The following CRACD variants were observed in gnomAD, a reference collection of about 807,000 sequenced individuals.
CRACD encodes the protein capping protein-inhibiting regulator of actin dynamics.
A neutral mutation model predicts 106.8 loss-of-function variants in CRACD; 56 were observed. That is an observed-to-expected ratio of 0.52 (90% CI 0.42 to 0.66). The LOEUF is 0.66. Ranked by LOEUF, CRACD falls within the 30% of genes least tolerant of loss-of-function variation. The pLI is 0.00. For missense variants in CRACD, 1,730 were observed against 1,623.2 expected (o/e 1.07, Z -1.13); for synonymous variants, 754 against 670.8 (o/e 1.12, Z -1.92).
rs761114150 is a variant in CRACD at position 56,314,850 on chromosome 4, A to G, written c.1348A>G (p.Ile450Val). 6 of 1,611,962 alleles carry G rather than the reference A, an allele frequency of 3.7e-6. No homozygotes were observed. In the South Asian group the frequency reaches 4.4e-5, roughly 12 times the overall value. ...AAGAGAACACTCCGAGGAGCCAGGT[A>G]TTTGCGAGGAGCAGAACCCAGAGGC... is the stretch of plus-strand genomic sequence containing the variant. ...GQREHSEEPG[I>V]CEEQNPEAER... is the part of the protein sequence containing the mutation. The change falls in exon 8 of 11, where the codon ATT becomes GTT. Residue 450 changes from isoleucine (I) to valine (V), a missense_variant. This residue lies in a region of CRACD where 1,620 missense variants were observed against 1,481.6 expected (regional missense o/e 1.09). Transcript: ENST00000682029. The surrounding 1 kb of genome is among the most constrained non-coding windows in gnomAD (Gnocchi z 4.4).
At chr4:56,287,699 A>G (rs887513676) in intron 3 of CRACD, among the ~76,000 whole-genome samples, 1 of 152,116 alleles carries the variant, frequency 6.6e-6, no homozygotes, top group African/African-American at 2.4e-5. Flanking sequence ...GATTATAGCC[A>G]TTAGCCACCA....
chr4:56,235,849 G>A (rs956384639), intron 2 of CRACD, among the ~76,000 whole-genome samples: 9 of 152,144 alleles, frequency 5.9e-5, no homozygotes, highest in Non-Finnish European at 1.3e-4. Flanking sequence ...ACAAGACAAG[G>A]GTTGGGAAGG....
chr4:56,290,476 G>A (rs1743642201), intron 3 of CRACD, among the ~76,000 whole-genome samples: 1 of 152,152 alleles, frequency 6.6e-6, no homozygotes, highest in South Asian at 2.1e-4. Flanking sequence ...GAAGAAGAGA[G>A]TATTGGAGTG....
intron 1 of CRACD, among the ~76,000 whole-genome samples, chr4:56,121,852 T>C (rs1360927035): frequency 6.6e-6 from 1 of 152,250 alleles, no homozygotes; most frequent in African/African-American, 2.4e-5. Flanking sequence ...GAAGCTTATA[T>C]GTATATGATT....
rs1012450494 is a variant in CRACD, at chr4:56,254,858, A to G, written c.-188-17463A>G. On this transcript the variant is annotated intron_variant, in intron 2 of 10. Coordinates refer to ENST00000682029, the MANE Select transcript of CRACD (RefSeq NM_001393381.1). ...GGTGGCTCACGCCTGTAATCCCAGC[A>G]CTTTGGGAGGCTGAGGTGGGCGGAT... 3.3e-4 allele frequency among the ~76,000 whole-genome samples: 49 copies of G among 149,984 alleles called. No homozygotes were observed. In the Middle Eastern group the frequency reaches 0.01, roughly 31 times the overall value.
intron 2 of CRACD, among the ~76,000 whole-genome samples, chr4:56,243,439 A>G: frequency 6.6e-6 from 1 of 152,206 alleles, no homozygotes; most frequent in East Asian, 1.9e-4. Context: ...GAGAGAAATG[A>G]ACTCCTAACT....
intron 10 of CRACD, among the ~76,000 whole-genome samples, chr4:56,325,319 A>G (rs1420107784): frequency 1.3e-5 from 2 of 152,242 alleles, no homozygotes; most frequent in Non-Finnish European, 2.9e-5. Context: ...TGAGCGACAG[A>G]CTGTCTCAAA....
chr4:56,291,991 G>A (rs1472081474), intron 3 of CRACD, among the ~76,000 whole-genome samples: 2 of 152,172 alleles, frequency 1.3e-5, no homozygotes, highest in Non-Finnish European at 2.9e-5. Flanking sequence ...AAAAGATGAG[G>A]GAAAGTTTGG....
intron 1 of CRACD, among the ~76,000 whole-genome samples, chr4:56,080,104 A>G (rs1356899860): frequency 1.3e-5 from 2 of 152,202 alleles, no homozygotes; most frequent in African/African-American, 4.8e-5. Context: ...ACTACTTGGG[A>G]GACTGAAGTG....
chr4:56,208,094 G>A (rs989082940), intron 2 of CRACD, among the ~76,000 whole-genome samples: 4 of 151,718 alleles, frequency 2.6e-5, no homozygotes, highest in East Asian at 3.9e-4. Context: ...AATTACAGAC[G>A]TGATCTATCA....
At chr4:56,147,648 G>A (rs1262136666) in intron 1 of CRACD, among the ~76,000 whole-genome samples, 24 of 152,184 alleles carry the variant, frequency 1.6e-4, no homozygotes, top group Non-Finnish European at 4.4e-5. Context: ...TCTTTTGAGT[G>A]TATGTGTAGG....
In CRACD at chr4:56,316,525, A is replaced by G. The variant is rs1157591021; in HGVS notation, c.3023A>G (p.Gln1008Arg). 1.2e-6 allele frequency: 2 copies of G among 1,613,658 alleles called. No individual in the cohort carries two copies. Among genetic ancestry groups the G allele is most frequent in the Admixed American group, 1.7e-5 (1 of 59,992 alleles). Reference sequence around the variant, plus strand: ...CCAAGTGAGCCGTCCAAGGAGGACCAGGAGAGCAGTGACCGCCGGCCACCC... The same window carrying G: ...CCAAGTGAGCCGTCCAAGGAGGACCGGGAGAGCAGTGACCGCCGGCCACCC... ...PEPSEPSKED[Q>R]ESSDRRPPSP... is the part of the protein sequence containing the mutation. The change falls in exon 8 of 11, where the codon CAG becomes CGG. Residue 1008 changes from glutamine to arginine, a missense_variant. By Grantham distance (43) the Gln-to-Arg change is conservative. This residue lies in a region of CRACD where 1,620 missense variants were observed against 1,481.6 expected (regional missense o/e 1.09). Coordinates refer to ENST00000682029, the MANE Select transcript of CRACD (RefSeq NM_001393381.1).
At chr4:56,062,283 A>G (rs1732301909) in intron 1 of CRACD, among the ~76,000 whole-genome samples, 2 of 152,208 alleles carry the variant, frequency 1.3e-5, no homozygotes, top group Non-Finnish European at 2.9e-5. Flanking sequence ...AGACCATTCT[A>G]CCTCTTATAA....
At position 56,056,586 on chromosome 4, in the gene CRACD, T is replaced by TAAA. The variant is rs35353231; in HGVS notation, c.-336+7295_-336+7297dup. On this transcript the variant is annotated intron_variant, in intron 1 of 10. Coordinates refer to ENST00000682029, the MANE Select transcript of CRACD (RefSeq NM_001393381.1). The stretch of plus-strand genomic sequence containing the variant: ...GCAACATGGCAAAACCCTGTCTCTA[T>TAAA]AAAAAAAAAACCAAAAAAAAAACAA... Among the ~76,000 whole-genome samples, 2 of 137,178 alleles carry TAAA rather than the reference T, an allele frequency of 1.5e-5. 1 individual carries two copies. The highest frequency in any genetic ancestry group is 3.2e-5 in the Non-Finnish European group (2 of 62,640). The allele number at this position is 137,178 out of a possible 152,430, so 90.0% of individuals were successfully genotyped here.
At chr4:56,312,905 C>T (rs115839033) in intron 6 of CRACD, among the ~76,000 whole-genome samples, 304 of 152,320 alleles carry the variant, frequency 2.0e-3, no homozygotes, top group Middle Eastern at 3.4e-3. Context: ...CTATGTTTTG[C>T]TAATCTTGGA....
At chr4:56,166,306 G>A (rs1274393685) in intron 1 of CRACD, among the ~76,000 whole-genome samples, 1 of 152,178 alleles carries the variant, frequency 6.6e-6, no homozygotes, top group Non-Finnish European at 1.5e-5. Flanking sequence ...AAAGATATTT[G>A]TTGCAGTGCT....
rs1035646865 is a variant in CRACD at position 56,315,955 on chromosome 4, C to T, written c.2453C>T (p.Thr818Ile). The T allele has an allele frequency of 1.2e-6, 2 of 1,614,230 alleles. No individual in the cohort carries two copies. The highest frequency in any genetic ancestry group is 1.7e-6 in the Non-Finnish European group (2 of 1,180,048). Residue 818 changes from threonine (T) to isoleucine (I), a missense_variant, in exon 8 of 11, where the codon ACC becomes ATC. By Grantham distance (89) the Thr-to-Ile change is moderately conservative (BLOSUM62 -1). Transcript: ENST00000682029. This position sits in a 1 kb window ranked among gnomAD's most constrained non-coding sequence, Gnocchi z 4.1. ...GTGGTGGCCCACACAGAGTTCACGA[C>T]CTCGTCGGACAGCGAGACTGCAAAC... ...QKVVAHTEFT[T>I]SSDSETANGI...
chr4:56,116,045 A>G (rs1226317228), intron 1 of CRACD, among the ~76,000 whole-genome samples: 1 of 152,200 alleles, frequency 6.6e-6, no homozygotes, highest in East Asian at 1.9e-4. Context: ...GCGCTCTTAA[A>G]TAATTGCTTT....
intron 2 of CRACD, among the ~76,000 whole-genome samples, chr4:56,217,003 G>GAAAAAAAAAAAAAAAAAAAAAA (rs74605138): frequency 8.9e-6 from 1 of 112,844 alleles, no homozygotes. Context: ...AAAAAAAAAA[G>GAAAAAAAAAAAAAAAAAAAAAA]AAAAAAAAAA....
Sources: allele counts gnomAD v4.1 joint callset (sites outside exome capture counted in the v4.1 genomes callset), GRCh38; gene constraint gnomAD v4.1.1; regional missense constraint gnomAD v4.1.1; non-coding constraint Gnocchi (gnomAD v3.1); transcripts MANE v1.5; gene names NCBI Gene and HGNC (gene_info 2026-07-23, HGNC 2026-07-21).